Variants in HMGB1 observed in about 807,000 individuals in gnomAD.
The protein encoded by HMGB1 is high mobility group protein B1.
For synonymous variants in HMGB1, 81 were observed against 84.0 expected (o/e 0.96, Z 0.19); for missense variants, 79 against 253.5 (o/e 0.31, Z 4.67).
At chr13:30,603,030 T>C (rs532299004) in intron 1 of HMGB1, among the ~76,000 whole-genome samples, 1 of 152,320 alleles carries the variant, frequency 6.6e-6, no homozygotes, top group Non-Finnish European at 1.5e-5. Context: ...TGATCTTGAA[T>C]TCCTGGGCTG....
exon 1 of HMGB1, chr13:30,617,554 C>A (rs1439052775): frequency 1.3e-5 from 2 of 152,254 alleles, no homozygotes; most frequent in African/African-American, 4.8e-5. Flanking sequence ...GGAACAGCGA[C>A]GCGCAAGCAG....
At chr13:30,615,390 G>T (rs1478050715) in intron 1 of HMGB1, among the ~76,000 whole-genome samples, 4 of 151,996 alleles carry the variant, frequency 2.6e-5, no homozygotes, top group Non-Finnish European at 5.9e-5. Context: ...AGTGTTACAG[G>T]GTATATAAAC....
chr13:30,573,078 A>C (rs1404348643), intron 1 of HMGB1, among the ~76,000 whole-genome samples: 3 of 152,230 alleles, frequency 2.0e-5, no homozygotes, highest in Admixed American at 2.0e-4. Flanking sequence ...GGAATCTAGA[A>C]GACACAACTC....
At chr13:30,556,938 T>G (rs1869718203) in intron 1 of HMGB1, among the ~76,000 whole-genome samples, 1 of 152,190 alleles carries the variant, frequency 6.6e-6, no homozygotes, top group South Asian at 2.1e-4. Flanking sequence ...TATGAGATGG[T>G]GGATGTGCGA....
intron 1 of HMGB1, among the ~76,000 whole-genome samples, chr13:30,538,252 A>G (rs1868544741): frequency 6.6e-6 from 1 of 152,262 alleles, no homozygotes; most frequent in African/African-American, 2.4e-5. Context: ...TGACAGGAAT[A>G]CAAAGTAATT....
chr13:30,567,841 C>T (rs1388579078), intron 1 of HMGB1, among the ~76,000 whole-genome samples: 2 of 152,200 alleles, frequency 1.3e-5, no homozygotes, highest in Non-Finnish European at 2.9e-5. Context: ...AGCTCTCTTG[C>T]TTGCTCTTTA....
intron 1 of HMGB1, among the ~76,000 whole-genome samples, chr13:30,497,769 T>G (rs1295692867): frequency 6.6e-6 from 1 of 152,190 alleles, no homozygotes; most frequent in African/African-American, 2.4e-5. Flanking sequence ...TCCATCTTGC[T>G]GCAAAGGATA....
chr13:30,526,168 C>A (rs868760305), intron 1 of HMGB1, among the ~76,000 whole-genome samples: 2 of 152,116 alleles, frequency 1.3e-5, no homozygotes, highest in Non-Finnish European at 2.9e-5. Flanking sequence ...GTGATTCTCA[C>A]GCCTCAGTCT....
At chr13:30,547,754 TA>T (rs923565466) in intron 1 of HMGB1, among the ~76,000 whole-genome samples, 14 of 152,146 alleles carry the variant, frequency 9.2e-5, no homozygotes, top group African/African-American at 3.4e-4. Flanking sequence ...CCGTCTCTAC[TA>T]AAAATACAAA....
Position 30,458,899 on chromosome 13 carries a change from T to A in HMGB1, c.*2458A>T, listed in dbSNP as rs975858381. 1 of 152,160 alleles carries A rather than the reference T, an allele frequency of 6.6e-6. No individual in the cohort carries two copies. Among genetic ancestry groups the A allele is most frequent in the Admixed American group, 6.5e-5 (1 of 15,276 alleles). The allele number at this position is 152,160 out of a possible 1,614,324, so 9.4% of individuals were successfully genotyped here. On this transcript the variant is annotated 3_prime_UTR_variant, in exon 5 of 5. Transcript: ENST00000341423. ...ACTGTGGTAACTAATCAGCAATAGC[T>A]CTCAACCTTTGCACAGCAAAGTTAG... is the stretch of plus-strand genomic sequence containing the variant.
chr13:30,494,893 T>C (rs928368655), intron 1 of HMGB1, among the ~76,000 whole-genome samples: 2 of 152,168 alleles, frequency 1.3e-5, no homozygotes, highest in South Asian at 4.1e-4. Flanking sequence ...TAAGAGTATA[T>C]ATTCCACCGC....
In HMGB1 at chr13:30,457,437, G is replaced by A. The variant is rs1886036849; in HGVS notation, c.*3920C>T. On this transcript the variant is annotated 3_prime_UTR_variant, in exon 5 of 5. Coordinates refer to ENST00000341423, the MANE Select transcript of HMGB1 (RefSeq NM_002128.7). ...ATGCCCAATAAATTCAACTATTTAA[G>A]CTAAGCACAGTGGTGTGTCCCTGTA... 6.6e-6 allele frequency: 1 copy of A among 152,150 alleles called. No individual in the cohort carries two copies. 9.4% of individuals were successfully genotyped at this position (152,150 alleles called of 1,614,324 possible).
intron 1 of HMGB1, among the ~76,000 whole-genome samples, chr13:30,609,153 C>G (rs1950489447): frequency 6.6e-6 from 1 of 152,184 alleles, no homozygotes; most frequent in Non-Finnish European, 1.5e-5. Flanking sequence ...GTCCCAGCTA[C>G]TCAGGACGCT....
At chr13:30,579,434 T>A (rs185726877) in intron 1 of HMGB1, among the ~76,000 whole-genome samples, 5 of 152,348 alleles carry the variant, frequency 3.3e-5, no homozygotes, top group African/African-American at 4.8e-5. Flanking sequence ...AAACACTGCA[T>A]ATGGTCATTT....
At chr13:30,498,828 A>G (rs1015121932) in intron 1 of HMGB1, among the ~76,000 whole-genome samples, 4 of 151,672 alleles carry the variant, frequency 2.6e-5, no homozygotes, top group African/African-American at 9.7e-5. Context: ...CTGTATTTTT[A>G]GTAGAGACAG....
intron 1 of HMGB1, among the ~76,000 whole-genome samples, chr13:30,527,957 G>A (rs1888408789): frequency 6.6e-6 from 1 of 152,136 alleles, no homozygotes; most frequent in East Asian, 1.9e-4. Context: ...GGCAAACCAG[G>A]TGTTATTTCA....
At chr13:30,500,416 C>T (rs1245137580) in intron 1 of HMGB1, among the ~76,000 whole-genome samples, 1 of 152,110 alleles carries the variant, frequency 6.6e-6, no homozygotes, top group African/African-American at 2.4e-5. Context: ...GTTGCTCAGG[C>T]TGGAGTGCAG....
chr13:30,525,913 T>C lies in HMGB1; in HGVS notation c.-14-62219A>G, dbSNP rs1235838126. ...GGTTTCGTCATGTTGCCCAGGCTGG[T>C]CTGGAGCTTCTGAGCTCAAGCGATC... On this transcript the variant is annotated intron_variant, in intron 1 of 4. Transcript: ENST00000405805. 5.3e-5 allele frequency among the ~76,000 whole-genome samples: 8 copies of C among 152,196 alleles called. No homozygotes were observed. In the South Asian group the frequency reaches 1.7e-3, roughly 32 times the overall value.
At chr13:30,581,233 C>T (rs1057125357) in intron 1 of HMGB1, among the ~76,000 whole-genome samples, 1 of 152,170 alleles carries the variant, frequency 6.6e-6, no homozygotes, top group African/African-American at 2.4e-5. Flanking sequence ...TAGAGTAGAT[C>T]TATAATCTGC....
Sources: allele counts gnomAD v4.1 joint callset (sites outside exome capture counted in the v4.1 genomes callset), GRCh38; gene constraint gnomAD v4.1.1; transcripts MANE v1.5; gene names NCBI Gene and HGNC (gene_info 2026-07-23, HGNC 2026-07-21).